SEC16A: variants seen among roughly 807,000 people sequenced by gnomAD.
The protein encoded by SEC16A is protein transport protein Sec16A.
In SEC16A, 110 loss-of-function variants were observed where a neutral mutation model predicts 221.9. The ratio of observed to expected loss-of-function variants is 0.50; its 90% CI spans 0.42 to 0.58. The LOEUF (loss-of-function observed/expected upper bound fraction) is 0.58, where lower values mean the gene tolerates loss of function less well. Among genes scored for constraint, SEC16A ranks in the 20% least tolerant of loss-of-function variants. SEC16A has a pLI of 0.00. For missense variants in SEC16A, 3,165 were observed against 3,097.8 expected, an observed-to-expected ratio of 1.02 and a Z score of -0.52; for synonymous variants, 1,393 against 1,257.7, an observed-to-expected ratio of 1.11 and a Z score of -2.28.
chr9:136,476,383 A>C lies in SEC16A; in HGVS notation c.1233T>G (p.Arg411=). ...CCCCCACGTGTGTAGGTGCGGGCGGACGGCCTAGCCCAGGGCTGGAGCAGA... is the reference window on the plus strand; with the variant it reads ...CCCCCACGTGTGTAGGTGCGGGCGGCCGGCCTAGCCCAGGGCTGGAGCAGA... ...DDFCSSPGLG[R]PPAPTHVGAG... is the part of the protein sequence containing the mutation. Residue 411 remains arginine (R), a synonymous_variant, in exon 3 of 32, where the codon CGT becomes CGG. Transcript: ENST00000684901. The C allele has an allele frequency of 1.2e-6, 2 of 1,612,702 alleles. No homozygotes were observed. Among genetic ancestry groups the C allele is most frequent in the Non-Finnish European group, 8.5e-7 (1 of 1,179,836 alleles).
rs1249071856 is a variant in SEC16A, at chr9:136,448,709, TC to T, written c.6313-549del. ...TCCAGAGACACCAGGAGAATGGAGGTCGGGGGCAGATCCACAGAGACACCAG... is the reference window on the plus strand; with the variant it reads ...TCCAGAGACACCAGGAGAATGGAGGTGGGGGCAGATCCACAGAGACACCAG... On this transcript the variant is annotated intron_variant, in intron 23 of 31. Coordinates refer to ENST00000684901, the MANE Select transcript of SEC16A (RefSeq NM_014866.2). The T allele has an allele frequency of 1.8e-4, 105 of 585,838 alleles. No homozygotes were observed. The Admixed American group carries it at 2.7e-3, about 15-fold the overall frequency. The allele number at this position is 585,838 out of a possible 1,614,324, so 36.3% of individuals were successfully genotyped here. A position where few individuals can be genotyped will look rare whatever the true frequency, so the allele number is the denominator to read the frequency against.
chr9:136,472,883 A>G (rs998155677), intron 3 of SEC16A, among the ~76,000 whole-genome samples: 2 of 152,154 alleles, frequency 1.3e-5, no homozygotes, highest in African/African-American at 2.4e-5. Flanking sequence ...GGAGGAGTGC[A>G]CTCCTGCGGA....
At chr9:136,460,200 C>T (rs921211193) in intron 13 of SEC16A, 77 bp from the exon 14 acceptor site, 31 of 1,198,560 alleles carry the variant, frequency 2.6e-5, no homozygotes, top group East Asian at 1.5e-4. Flanking sequence ...TGATGGCTCA[C>T]GCCTGTAATC....
At chr9:136,444,557 G>A (rs991444348) in intron 30 of SEC16A, among the ~76,000 whole-genome samples, 2 of 152,118 alleles carry the variant, frequency 1.3e-5, no homozygotes, top group South Asian at 2.1e-4. Context: ...CCTCAGGGTC[G>A]ATCCAGTTGC....
At chr9:136,483,408 T>C (rs1842668396), upstream of SEC16A, 1 of 784,318 alleles carries the variant, frequency 1.3e-6, no homozygotes, top group Non-Finnish European at 1.5e-6. Context: ...CGTCCGTCTT[T>C]CTCCGCCTCA....
rs1367620366 is a variant in SEC16A, at chr9:136,451,320, G to A, written c.6248C>T (p.Ser2083Leu). The stretch of plus-strand genomic sequence containing the variant: ...GGGTCTCTTTGTTTCGGGAGCGGGT[G>A]AGAGAGACAGAGGTGGCTGCGTGGG... ...SGPTQPPLSL[S>L]PAPETKRPGQ... Residue 2083 changes from serine to leucine, a missense_variant, in exon 23 of 32, where the codon TCA becomes TTA. Physicochemically the swap from Ser to Leu is moderately radical, Grantham distance 145 (BLOSUM62 -2). This residue lies in a region of SEC16A where 1,088 missense variants were observed against 1,089.6 expected (regional missense o/e 1.00). Coordinates refer to ENST00000684901, the MANE Select transcript of SEC16A (RefSeq NM_014866.2). The A allele has an allele frequency of 5.6e-6, 9 of 1,613,614 alleles. No homozygotes were observed. In the Admixed American group the frequency reaches 6.7e-5, roughly 12 times the overall value.
In SEC16A at chr9:136,467,102, T is replaced by C; in HGVS notation, c.3803-19A>G. The C allele has an allele frequency of 6.2e-7, 1 of 1,613,650 alleles. No homozygotes were observed. The highest frequency in any genetic ancestry group is 8.5e-7 in the Non-Finnish European group (1 of 1,179,802). Reference sequence around the variant, plus strand: ...CCTGGATCTGTGAGCAAGGAATTAATGATTAATACAGTAACATGCAAAAGA... The same window carrying C: ...CCTGGATCTGTGAGCAAGGAATTAACGATTAATACAGTAACATGCAAAAGA... On this transcript the variant is annotated intron_variant, in intron 5 of 31. Coordinates refer to ENST00000684901, the MANE Select transcript of SEC16A (RefSeq NM_014866.2).
chr9:136,444,932 G>A (rs767399398), intron 30 of SEC16A, 120 bp downstream of exon 30: 3 of 725,394 alleles, frequency 4.1e-6, no homozygotes, highest in Non-Finnish European at 7.1e-6. Flanking sequence ...ACGTGACGCT[G>A]AGGGAGACAA....
rs1836143998 is a variant in SEC16A, at chr9:136,441,148, G to C, written c.*607C>G. On this transcript the variant is annotated 3_prime_UTR_variant, in exon 32 of 32. Coordinates refer to ENST00000684901, the MANE Select transcript of SEC16A (RefSeq NM_014866.2). ...GAAAGAAATTCACTGCAGTAACTAA[G>C]GCCTCTCTCAAAAACCGTGAACTAA... The C allele has an allele frequency of 6.5e-6, 1 of 153,216 alleles. No individual in the cohort carries two copies. The highest frequency in any genetic ancestry group is 2.0e-4 in the South Asian group (1 of 4,898). The allele number at this position is 153,216 out of a possible 1,614,324, so 9.5% of individuals were successfully genotyped here.
At chr9:136,457,739 C>A (rs1838887000) in intron 17 of SEC16A, among the ~76,000 whole-genome samples, 155 bp from the exon 18 acceptor site, 1 of 152,204 alleles carries the variant, frequency 6.6e-6, no homozygotes, top group Non-Finnish European at 1.5e-5. Flanking sequence ...TCGTCTCCCA[C>A]CCACCACGCC....
At chr9:136,460,262 G>T in intron 13 of SEC16A, 139 bp from the exon 14 acceptor site, 1 of 628,988 alleles carries the variant, frequency 1.6e-6, no homozygotes. Flanking sequence ...CAGAAGTTAA[G>T]AGACTAACAT....
rs766975699 is a variant in SEC16A at position 136,445,065 on chromosome 9, T to C, written c.6914A>G (p.Gln2305Arg). The change falls in exon 30 of 32, where the codon CAG becomes CGG. Residue 2305 changes from glutamine to arginine, a missense_variant. Transcript: ENST00000684901. ...AGCCGCAGGTACCTGATTAAAATGC[T>C]GGCTCACTTCACGTGATAATGAACT... ...SMSSLSREVS[Q>R]HFNQAPGDLP... 1.9e-6 allele frequency: 3 copies of C among 1,606,784 alleles called. No individual in the cohort carries two copies. The highest frequency in any genetic ancestry group is 2.5e-6 in the Non-Finnish European group (3 of 1,176,842).
intron 31 of SEC16A, 41 bp from the exon 32 acceptor site, chr9:136,441,864 C>T (rs139939742): frequency 4.5e-6 from 7 of 1,572,436 alleles, no homozygotes; most frequent in Admixed American, 3.3e-5. Context: ...ATGCCTGCCC[C>T]CAGGGTGAGC....
intron 2 of SEC16A, 55 bp from the exon 3 acceptor site, chr9:136,477,739 T>C: frequency 1.4e-6 from 2 of 1,409,436 alleles, no homozygotes; most frequent in Non-Finnish European, 1.9e-6. Flanking sequence ...AAGTCCTAGC[T>C]GCAATCAGGA....
Position 136,477,567 on chromosome 9 carries a change from G to C in SEC16A, c.49C>G (p.Pro17Ala). Reference sequence around the variant, plus strand: ...AACACGCTCCGAGGATTCCCGGCTGGAGGTGGCCCAGCCATGCCAGACGGG... The same window carrying C: ...AACACGCTCCGAGGATTCCCGGCTGCAGGTGGCCCAGCCATGCCAGACGGG... ...TVPSGMAGPPPAGNPRSVFWA... is the reference protein window; with the variant it reads ...TVPSGMAGPPAAGNPRSVFWA... The change falls in exon 3 of 32, where the codon CCA becomes GCA. Residue 17 changes from proline to alanine, a missense_variant. Around this residue, in one of 3 missense-constraint regions of SEC16A, gnomAD observed 2,030 missense variants for 1,923.1 expected, o/e 1.06. Transcript: ENST00000684901. 2 of 1,612,910 alleles carry C rather than the reference G, an allele frequency of 1.2e-6. No individual in the cohort carries two copies. Among genetic ancestry groups the C allele is most frequent in the Non-Finnish European group, 8.5e-7 (1 of 1,179,712 alleles).
At chr9:136,463,798 G>A in intron 9 of SEC16A, 58 bp from the exon 10 acceptor site, 1 of 1,595,022 alleles carries the variant, frequency 6.3e-7, no homozygotes, top group Non-Finnish European at 8.6e-7. Context: ...CTGCTGGCAG[G>A]CCGGCCAACC....
rs1564525806 is a variant in SEC16A at position 136,474,292 on chromosome 9, C to G, written c.3324G>C (p.Ala1108=). 1 of 1,608,348 alleles carries G rather than the reference C, an allele frequency of 6.2e-7. No individual in the cohort carries two copies. The highest frequency in any genetic ancestry group is 1.3e-5 in the African/African-American group (1 of 74,996). ...QSPASLVLVD[A]GQQLPPRPPQ... ...GAGGCCGAGGGGGCAGCTGCTGACCCGCGTCGACCAGAACCAGACTTGCTG... is the reference window on the plus strand; with the variant it reads ...GAGGCCGAGGGGGCAGCTGCTGACCGGCGTCGACCAGAACCAGACTTGCTG... Residue 1108 remains alanine (A), a synonymous_variant, in exon 3 of 32, where the codon GCG becomes GCC. Transcript: ENST00000684901.
chr9:136,454,253 C>A lies in SEC16A; in HGVS notation c.5932G>T (p.Gly1978Trp). Residue 1978 changes from glycine (G) to tryptophan (W), a missense_variant, in exon 21 of 32, where the codon GGG becomes TGG. Coordinates refer to ENST00000684901, the MANE Select transcript of SEC16A (RefSeq NM_014866.2). ...CAGCCAGGACCCGGCTCCAGGGGCC[C>A]CGGGGGCAGTGGCACTGGGAACATC... The part of the protein sequence containing the change: ...VPMFPVPLPP[G>W]PLEPGPGCVT... 6.3e-7 allele frequency: 1 copy of A among 1,579,660 alleles called. No homozygotes were observed. The highest frequency in any genetic ancestry group is 2.3e-5 in the East Asian group (1 of 43,394).
In SEC16A at chr9:136,474,282, G is replaced by A. The variant is rs1276919137; in HGVS notation, c.3334C>T (p.Leu1112=). 1.1e-5 allele frequency: 18 copies of A among 1,608,300 alleles called. No homozygotes were observed. Among genetic ancestry groups the A allele is most frequent in the Non-Finnish European group, 1.4e-5 (17 of 1,177,672 alleles). The part of the protein sequence containing the change: ...SLVLVDAGQQ[L]PPRPPQSSSV... ...GAGGACTGAGGAGGCCGAGGGGGCA[G>A]CTGCTGACCCGCGTCGACCAGAACC... The change falls in exon 3 of 32, where the codon CTG becomes TTG. Residue 1112 remains leucine (L), a synonymous_variant. Transcript: ENST00000684901.
Sources: allele counts gnomAD v4.1 joint callset (sites outside exome capture counted in the v4.1 genomes callset), GRCh38; gene constraint gnomAD v4.1.1; regional missense constraint gnomAD v4.1.1; transcripts MANE v1.5; gene names NCBI Gene and HGNC (gene_info 2026-07-23, HGNC 2026-07-21).